Variants in FAM149A observed in about 807,000 individuals in gnomAD.
The protein encoded by FAM149A is protein FAM149A.
FAM149A carries 71 observed loss-of-function variants against 78.2 expected under a neutral mutation model. The observed-to-expected ratio is 0.91, with a 90% confidence interval of 0.75 to 1.11. The LOEUF is 1.11. Among genes scored for constraint, FAM149A ranks in the 50% least tolerant of loss-of-function variants. The pLI is 0.00. For missense variants in FAM149A, 1,036 were observed against 971.0 expected, an observed-to-expected ratio of 1.07 and a Z score of -0.89; for synonymous variants, 446 against 410.5, an observed-to-expected ratio of 1.09 and a Z score of -1.04.
chr4:186,123,608 G>T (rs1301818571), intron 1 of FAM149A, among the ~76,000 whole-genome samples: 2 of 152,228 alleles, frequency 1.3e-5, no homozygotes, highest in Non-Finnish European at 1.5e-5. Flanking sequence ...ACGACCCACT[G>T]CAGGATCAAG....
At chr4:186,119,067 A>G (rs72708988) in intron 1 of FAM149A, among the ~76,000 whole-genome samples, 1 of 152,308 alleles carries the variant, frequency 6.6e-6, no homozygotes, top group Non-Finnish European at 1.5e-5. Flanking sequence ...CTTCACGTAC[A>G]GGGGACACTC....
chr4:186,163,851 C>G (rs538538002), intron 10 of FAM149A, among the ~76,000 whole-genome samples: 21 of 152,290 alleles, frequency 1.4e-4, no homozygotes, highest in Non-Finnish European at 2.6e-4. Flanking sequence ...GTCACACAGG[C>G]GGAATGAGCC....
intron 1 of FAM149A, among the ~76,000 whole-genome samples, chr4:186,141,937 A>G (rs1482624466): frequency 6.6e-6 from 1 of 152,208 alleles, no homozygotes; most frequent in Non-Finnish European, 1.5e-5. Flanking sequence ...CCCACAAGGT[A>G]TTGGCAGAGT....
intron 1 of FAM149A, chr4:186,109,962 C>A: frequency 1.0e-6 from 1 of 985,446 alleles, no homozygotes; most frequent in South Asian, 4.7e-5. Flanking sequence ...GCATTTACCA[C>A]TCTGGGATCA....
chr4:186,149,599 C>T lies in FAM149A; in HGVS notation c.684C>T (p.Ser228=), dbSNP rs762930361. 2 of 1,289,950 alleles carry T rather than the reference C, an allele frequency of 1.6e-6. No individual in the cohort carries two copies. Among genetic ancestry groups the T allele is most frequent in the Non-Finnish European group, 2.0e-6 (2 of 988,900 alleles). 79.9% of individuals were successfully genotyped at this position (1,289,950 alleles called of 1,614,324 possible). A position where few individuals can be genotyped will look rare whatever the true frequency, so the allele number is the denominator to read the frequency against. The change falls in exon 3 of 14, where the codon AGC becomes AGT. Residue 228 remains serine (S), a synonymous_variant. Transcript: ENST00000389354. ...TGTCATCCTTTTCCTCCAGCGGAAG[C>T]CATACACCCACGGGAGCCCACACCT... is the stretch of plus-strand genomic sequence containing the variant.
intron 1 of FAM149A, among the ~76,000 whole-genome samples, chr4:186,139,053 A>G (rs1271350609): frequency 6.6e-6 from 1 of 152,174 alleles, no homozygotes; most frequent in Non-Finnish European, 1.5e-5. Flanking sequence ...GCTCATAGAA[A>G]TGTATTTTGT....
chr4:186,166,366 G>A (rs1262541538), intron 11 of FAM149A, among the ~76,000 whole-genome samples: 1 of 152,146 alleles, frequency 6.6e-6, no homozygotes, highest in African/African-American at 2.4e-5. Flanking sequence ...TTTTACAAAA[G>A]GCAGCGGAGT....
At chr4:186,166,879 T>C (rs1735073483) in intron 11 of FAM149A, 89 bp from the exon 12 acceptor site, 1 of 1,299,164 alleles carries the variant, frequency 7.7e-7, no homozygotes, top group South Asian at 1.3e-5. Context: ...TCCAAATAGA[T>C]GAGTGAACGA....
intron 8 of FAM149A, among the ~76,000 whole-genome samples, chr4:186,161,038 T>C (rs1344017041): frequency 6.6e-6 from 1 of 152,220 alleles, no homozygotes; most frequent in African/African-American, 2.4e-5. Flanking sequence ...CCTTTTGTTA[T>C]AATCAGATGC....
rs73873722 is a variant in FAM149A at position 186,109,736 on chromosome 4, A to C, written c.566+4094A>C. ...AAAATTGAGAGCCATGTTTTATTGA[A>C]AGAAACATTCTAGGTGAAGAAAAAA... On this transcript the variant is annotated intron_variant, in intron 1 of 13. Transcript: ENST00000389354. 1.1e-4 allele frequency: 108 copies of C among 980,666 alleles called. No homozygotes were observed. In the African/African-American group the frequency reaches 1.7e-3, roughly 16 times the overall value. 60.7% of individuals were successfully genotyped at this position (980,666 alleles called of 1,614,324 possible). A position where few individuals can be genotyped will look rare whatever the true frequency, so the allele number is the denominator to read the frequency against.
At chr4:186,169,432 TCACA>T in intron 13 of FAM149A, 2 of 985,384 alleles carry the variant, frequency 2.0e-6, no homozygotes, top group Non-Finnish European at 2.4e-6. Flanking sequence ...ACATGTGGCC[TCACA>T]CACGGATTTG....
intron 4 of FAM149A, chr4:186,153,301 A>T: frequency 1.1e-6 from 1 of 942,238 alleles, no homozygotes; most frequent in Non-Finnish European, 1.3e-6. Flanking sequence ...ATATGTATGG[A>T]GGGCTTCTTT....
intron 1 of FAM149A, among the ~76,000 whole-genome samples, chr4:186,119,147 G>A (rs2099314947): frequency 6.6e-6 from 1 of 152,142 alleles, no homozygotes; most frequent in Admixed American, 6.5e-5. Context: ...TTTTGGATAT[G>A]CAGAATTTTA....
intron 10 of FAM149A, 134 bp from the exon 11 acceptor site, chr4:186,165,210 C>T: frequency 1.1e-6 from 1 of 903,564 alleles, no homozygotes; most frequent in South Asian, 1.5e-5. Flanking sequence ...GATAATACCA[C>T]ACATAGCAGA....
chr4:186,148,741 TATGGGATTA>T (rs1242765000), intron 1 of FAM149A, among the ~76,000 whole-genome samples: 2 of 152,204 alleles, frequency 1.3e-5, no homozygotes, highest in African/African-American at 4.8e-5. Flanking sequence ...TCTTAATTAA[TATGGGATTA>T]ATGATTTTTT....
At chr4:186,137,382 AC>A (rs1040222436) in intron 1 of FAM149A, among the ~76,000 whole-genome samples, 1 of 151,912 alleles carries the variant, frequency 6.6e-6, no homozygotes, top group African/African-American at 2.4e-5. Flanking sequence ...GCGAAAGCAT[AC>A]CCTGTCCCTC....
At position 186,154,637 on chromosome 4, in the gene FAM149A, G is replaced by A. The variant is rs1168147971; in HGVS notation, c.1228G>A (p.Asp410Asn). Residue 410 changes from aspartate to asparagine, a missense_variant and splice_region_variant, in exon 6 of 14, where the codon GAT becomes AAT. Coordinates refer to ENST00000389354, the MANE Select transcript of FAM149A (RefSeq NM_001367768.3). Reference sequence around the variant, plus strand: ...GTATTTCGCTTTTGACAGAAAAGAGGAGTAAATAGAATCTTATTTGACATT... The same window carrying A: ...GTATTTCGCTTTTGACAGAAAAGAGAAGTAAATAGAATCTTATTTGACATT... 2 of 1,611,750 alleles carry A rather than the reference G, an allele frequency of 1.2e-6. No homozygotes were observed. The highest frequency in any genetic ancestry group is 2.2e-5 in the South Asian group (2 of 90,754).
chr4:186,150,922 A>G (rs1324444224), intron 3 of FAM149A: 2 of 339,896 alleles, frequency 5.9e-6, no homozygotes, highest in African/African-American at 2.2e-5. Flanking sequence ...GTGTTTCACC[A>G]TGTTGGCCAG....
chr4:186,155,895 TTTA>T, intron 6 of FAM149A, 102 bp from the exon 7 acceptor site: 1 of 778,686 alleles, frequency 1.3e-6, no homozygotes, highest in Non-Finnish European at 1.9e-6. Context: ...ACAAAGAATG[TTTA>T]TTAATATATG....
Sources: allele counts gnomAD v4.1 joint callset (sites outside exome capture counted in the v4.1 genomes callset), GRCh38; gene constraint gnomAD v4.1.1; transcripts MANE v1.5; gene names NCBI Gene and HGNC (gene_info 2026-07-23, HGNC 2026-07-21).